RSRC1: variants seen among roughly 807,000 people sequenced by gnomAD.
The protein encoded by RSRC1 is arginine and serine rich coiled-coil 1.
In RSRC1, 39 loss-of-function variants were observed where a neutral mutation model predicts 49.1. The ratio of observed to expected loss-of-function variants is 0.79; its 90% CI spans 0.61 to 1.04. RSRC1 has a LOEUF of 1.04. Among genes scored for constraint, RSRC1 ranks in the 50% least tolerant of loss-of-function variants. RSRC1 has a pLI of 0.00. For synonymous variants in RSRC1, 143 were observed against 130.8 expected (o/e 1.09, Z -0.63); for missense variants, 388 against 402.4 (o/e 0.96, Z 0.31).
intron 6 of RSRC1, among the ~76,000 whole-genome samples, chr3:158,418,338 CT>C (rs1734858406): frequency 6.6e-6 from 1 of 151,950 alleles, no homozygotes; most frequent in Non-Finnish European, 1.5e-5. Context: ...CTGCTTGAAT[CT>C]AGTTAAAACC....
At chr3:158,267,482 A>G (rs555497247) in intron 4 of RSRC1, among the ~76,000 whole-genome samples, 1 of 152,108 alleles carries the variant, frequency 6.6e-6, no homozygotes, top group Admixed American at 6.5e-5. Context: ...CCTTACACAT[A>G]TGTTGGACCA....
intron 6 of RSRC1, among the ~76,000 whole-genome samples, chr3:158,368,938 G>C (rs914914454): frequency 5.3e-5 from 8 of 151,958 alleles, no homozygotes; most frequent in African/African-American, 1.7e-4. Flanking sequence ...TATCAGATAA[G>C]TGAAAGAAAT....
At chr3:158,185,228 C>T (rs1401736984) in intron 3 of RSRC1, among the ~76,000 whole-genome samples, 1 of 151,812 alleles carries the variant, frequency 6.6e-6, no homozygotes, top group Non-Finnish European at 1.5e-5. Context: ...GTCTTTGATA[C>T]CTAAGTGGGA....
intron 5 of RSRC1, among the ~76,000 whole-genome samples, chr3:158,342,820 A>C (rs952605210): frequency 5.3e-5 from 8 of 152,204 alleles, no homozygotes; most frequent in Non-Finnish European, 8.8e-5. Flanking sequence ...TCAAATATGA[A>C]GTATGATGAT....
chr3:158,421,022 G>GC (rs1362706951), intron 6 of RSRC1, among the ~76,000 whole-genome samples: 1 of 151,752 alleles, frequency 6.6e-6, no homozygotes, highest in East Asian at 1.9e-4. Context: ...ATATTCATTC[G>GC]TTTTTTTTCT....
chr3:158,203,346 T>C (rs1721181001), intron 4 of RSRC1, 101 bp downstream of exon 4: 5 of 1,212,804 alleles, frequency 4.1e-6, no homozygotes, highest in East Asian at 5.2e-5. Flanking sequence ...GCTTATTTGC[T>C]ATAAGAGTAG....
At chr3:158,347,349 A>G (rs1010242682) in intron 5 of RSRC1, among the ~76,000 whole-genome samples, 12 of 152,206 alleles carry the variant, frequency 7.9e-5, no homozygotes, top group African/African-American at 2.4e-4. Context: ...TAAAGGGCCC[A>G]GTAGTACTCT....
At chr3:158,200,644 T>C (rs1720990286) in intron 3 of RSRC1, among the ~76,000 whole-genome samples, 1 of 152,154 alleles carries the variant, frequency 6.6e-6, no homozygotes, top group Admixed American at 6.5e-5. Flanking sequence ...TTTTTAGCTA[T>C]ACTTATTTTC....
chr3:158,381,810 A>G (rs904028857), intron 6 of RSRC1, among the ~76,000 whole-genome samples: 3 of 152,174 alleles, frequency 2.0e-5, no homozygotes, highest in Non-Finnish European at 4.4e-5. Flanking sequence ...TAGGGCACTT[A>G]CCGTAAATAG....
intron 3 of RSRC1, among the ~76,000 whole-genome samples, chr3:158,158,832 G>A (rs541493644): frequency 1.3e-5 from 2 of 151,954 alleles, no homozygotes; most frequent in Admixed American, 1.3e-4. Flanking sequence ...TCAGCTACTC[G>A]GGAGGCTGAG....
In RSRC1 at chr3:158,171,815, A is replaced by C. The variant is rs186040229; in HGVS notation, c.321-31257A>C. 3.7e-4 allele frequency among the ~76,000 whole-genome samples: 56 copies of C among 152,110 alleles called. No individual in the cohort carries two copies. The Middle Eastern group carries it at 0.01, about 28-fold the overall frequency. On this transcript the variant is annotated intron_variant, in intron 3 of 9. Coordinates refer to ENST00000611884, the MANE Select transcript of RSRC1 (RefSeq NM_001271838.2). ...AAATAAAAAAATTCAGCCAGGCGTC[A>C]TTGTGCATGCCTGTAGTCCTAGCTA...
chr3:158,390,318 A>T (rs983104890), intron 6 of RSRC1, among the ~76,000 whole-genome samples: 7 of 152,214 alleles, frequency 4.6e-5, no homozygotes, highest in African/African-American at 1.7e-4. Flanking sequence ...TTTACCTTGC[A>T]ACTATAGTTA....
intron 4 of RSRC1, among the ~76,000 whole-genome samples, chr3:158,292,369 A>G (rs982112151): frequency 3.3e-5 from 5 of 152,210 alleles, no homozygotes; most frequent in Non-Finnish European, 5.9e-5. Context: ...GATGTGCTGC[A>G]TGAGGGGAAG....
intron 6 of RSRC1, among the ~76,000 whole-genome samples, chr3:158,374,677 T>C (rs913115020): frequency 6.6e-5 from 10 of 152,200 alleles, no homozygotes; most frequent in South Asian, 4.1e-4. Flanking sequence ...TTAAGAACCT[T>C]ATACATGTCT....
At chr3:158,283,927 C>T (rs1297235308) in intron 4 of RSRC1, among the ~76,000 whole-genome samples, 3 of 150,728 alleles carry the variant, frequency 2.0e-5, no homozygotes, top group African/African-American at 2.4e-5. Context: ...TTCTAGGGTA[C>T]ATGTGCACAA....
At chr3:158,118,458 T>C (rs925603682) in intron 1 of RSRC1, among the ~76,000 whole-genome samples, 39 of 119,882 alleles carry the variant, frequency 3.3e-4, no homozygotes, top group East Asian at 7.5e-4. Context: ...TGTGTGTGTG[T>C]GTGTGCGCGT....
At chr3:158,471,649 G>C (rs905848468) in intron 7 of RSRC1, among the ~76,000 whole-genome samples, 1 of 152,156 alleles carries the variant, frequency 6.6e-6, no homozygotes, top group African/African-American at 2.4e-5. Flanking sequence ...TGCCTACCAT[G>C]TATTTCTGTA....
At chr3:158,448,901 T>C (rs147247341) in intron 6 of RSRC1, among the ~76,000 whole-genome samples, 2 of 152,042 alleles carry the variant, frequency 1.3e-5, no homozygotes, top group East Asian at 1.9e-4. Context: ...GGAACTGTTA[T>C]AAAGTTTACA....
At chr3:158,537,029 T>A in intron 7 of RSRC1, 63 bp from the exon 8 acceptor site, 1 of 940,068 alleles carries the variant, frequency 1.1e-6, no homozygotes, top group Non-Finnish European at 1.7e-6. Context: ...AGAACATTGC[T>A]TAGGTGTAGT....
Sources: gnomAD v4.1 joint callset for allele counts (sites outside exome capture counted in the v4.1 genomes callset) on GRCh38, gnomAD v4.1.1 for gene constraint, MANE v1.5 for transcripts, NCBI Gene and HGNC (gene_info 2026-07-23, HGNC 2026-07-21) for gene names.